DAB1: variants seen among roughly 807,000 people sequenced by gnomAD.
DAB1 encodes DAB adaptor protein 1, also known as disabled homolog 1.
DAB1 carries 15 observed loss-of-function variants against 64.6 expected under a neutral mutation model. The observed-to-expected ratio is 0.23, with a 90% CI of 0.16 to 0.36. DAB1 has a LOEUF of 0.36. Ranked by LOEUF, DAB1 falls within the 10% of genes least tolerant of loss-of-function variation. The pLI is 1.00. For missense variants in DAB1, 596 were observed against 706.7 expected (o/e 0.84, Z 1.78); for synonymous variants, 235 against 251.9 (o/e 0.93, Z 0.64).
At chr1:57,079,848 C>T (rs895854154) in intron 4 of DAB1, among the ~76,000 whole-genome samples, 6 of 152,156 alleles carry the variant, frequency 3.9e-5, no homozygotes, top group Middle Eastern at 3.2e-3. Context: ...ACCAGGTTCC[C>T]ATGACGCAAG....
intron 5 of DAB1, among the ~76,000 whole-genome samples, chr1:58,005,076 T>C (rs1028627494): frequency 3.3e-5 from 5 of 149,536 alleles, no homozygotes; most frequent in Non-Finnish European, 5.9e-5. Flanking sequence ...GTCCCTCTTT[T>C]TATTGATAAC....
In DAB1 at chr1:58,056,580, G is replaced by A. The variant is rs575905398; in HGVS notation, n.387+93931C>T. 3.0e-5 allele frequency: 22 copies of A among 725,102 alleles called. No homozygotes were observed. In the East Asian group the frequency reaches 5.1e-4, roughly 17 times the overall value. The allele number at this position is 725,102 out of a possible 1,614,324, so 44.9% of individuals were successfully genotyped here. A position where few individuals can be genotyped will look rare whatever the true frequency, so the allele number is the denominator to read the frequency against. On this transcript the variant is annotated intron_variant and non_coding_transcript_variant, in intron 5 of 20. Coordinates refer to the DAB1 transcript ENST00000485760. ...AACTCCCCCATTTTCTGGCTCTCAGGCTCTGCCTTCTCATCAATGCCCCAG... is the reference window on the plus strand; with the variant it reads ...AACTCCCCCATTTTCTGGCTCTCAGACTCTGCCTTCTCATCAATGCCCCAG...
At chr1:58,023,443 C>T (rs2100459014) in intron 5 of DAB1, among the ~76,000 whole-genome samples, 1 of 152,188 alleles carries the variant, frequency 6.6e-6, no homozygotes, top group East Asian at 1.9e-4. Flanking sequence ...TCAGAAGAAT[C>T]AGGTTCTCTG....
intron 4 of DAB1, among the ~76,000 whole-genome samples, chr1:57,076,065 C>T (rs1247655113): frequency 6.6e-6 from 1 of 152,096 alleles, no homozygotes; most frequent in East Asian, 1.9e-4. Context: ...ACAGCATGGC[C>T]CTGAAGTTTA....
chr1:57,992,275 G>T (rs1646355368), intron 5 of DAB1, among the ~76,000 whole-genome samples: 2 of 152,294 alleles, frequency 1.3e-5, no homozygotes, highest in African/African-American at 2.4e-5. Context: ...CTTCAAGGGT[G>T]CCAGAAAACC....
intron 1 of DAB1, among the ~76,000 whole-genome samples, chr1:57,406,235 A>G (rs1558324138): frequency 6.6e-6 from 1 of 152,222 alleles, no homozygotes; most frequent in Non-Finnish European, 1.5e-5. Flanking sequence ...AACATACTTA[A>G]TGCATGAAAG....
intron 7 of DAB1, among the ~76,000 whole-genome samples, chr1:57,521,695 CA>C (rs1558457724): frequency 1.3e-5 from 2 of 152,142 alleles, no homozygotes; most frequent in African/African-American, 4.8e-5. Flanking sequence ...AGAAAGTGAA[CA>C]GGGGAGGAGA....
rs113250370 is a variant in DAB1 at position 58,081,294 on chromosome 1, A to G, written n.387+69217T>C. The stretch of plus-strand genomic sequence containing the variant: ...GTCAAGGTAGGATAAATTGTGACGC[A>G]GCAACAAATAGCACCAGAATGCCAG... On this transcript the variant is annotated intron_variant and non_coding_transcript_variant, in intron 5 of 20. Transcript: ENST00000485760. 2.5e-3 allele frequency among the ~76,000 whole-genome samples: 386 copies of G among 152,370 alleles called. 2 individuals are homozygous for G. Among genetic ancestry groups the G allele is most frequent in the African/African-American group, 8.8e-3 (365 of 41,586 alleles).
intron 4 of DAB1, among the ~76,000 whole-genome samples, chr1:57,096,788 G>A (rs1251232360): frequency 1.3e-5 from 2 of 152,072 alleles, no homozygotes; most frequent in Non-Finnish European, 2.9e-5. Flanking sequence ...ATATCCACAT[G>A]CCTAGAGTAC....
intron 4 of DAB1, among the ~76,000 whole-genome samples, chr1:57,095,347 C>T (rs189183138): frequency 1.3e-5 from 2 of 152,262 alleles, no homozygotes; most frequent in Admixed American, 1.3e-4. Context: ...GTAACATGGA[C>T]AGAGGCCCAA....
chr1:57,466,227 C>T (rs1439953130), intron 7 of DAB1, among the ~76,000 whole-genome samples: 1 of 152,292 alleles, frequency 6.6e-6, no homozygotes, highest in African/African-American at 2.4e-5. Flanking sequence ...GACCATTAAA[C>T]TATCTTATAT....
chr1:58,211,972 T>C (rs983391855), intron 4 of DAB1, among the ~76,000 whole-genome samples: 3 of 152,072 alleles, frequency 2.0e-5, no homozygotes, highest in Non-Finnish European at 4.4e-5. Context: ...TTCACAACCT[T>C]ACAAAATAGC....
chr1:57,400,713 C>T (rs58015815), intron 1 of DAB1, among the ~76,000 whole-genome samples: 3,875 of 152,096 alleles, frequency 0.025, 175 homozygotes, highest in African/African-American at 0.089. Flanking sequence ...CACAAATCCA[C>T]TGCATTACCA....
intron 1 of DAB1, among the ~76,000 whole-genome samples, chr1:58,534,823 C>G (rs956781725): frequency 6.6e-6 from 1 of 152,116 alleles, no homozygotes; most frequent in East Asian, 1.9e-4. Flanking sequence ...GTGTTCCCAG[C>G]TACATGGGAG....
intron 1 of DAB1, chr1:58,536,861 C>T (rs1045676110): frequency 4.8e-6 from 3 of 629,894 alleles, no homozygotes; most frequent in Middle Eastern, 5.6e-4. Context: ...ATGTATTTCG[C>T]TGAATACATC....
At chr1:58,004,765 T>G (rs1408479364) in intron 5 of DAB1, among the ~76,000 whole-genome samples, 1 of 152,042 alleles carries the variant, frequency 6.6e-6, no homozygotes, top group Admixed American at 6.6e-5. Context: ...TTGCATGACG[T>G]GTTTGTGAGG....
At chr1:57,258,989 T>C (rs1669975330) in intron 2 of DAB1, among the ~76,000 whole-genome samples, 1 of 152,156 alleles carries the variant, frequency 6.6e-6, no homozygotes. Context: ...AATTCTCTAC[T>C]TTCATGCCTG....
chr1:57,164,778 G>T (rs1167642759), intron 2 of DAB1, among the ~76,000 whole-genome samples: 1 of 152,040 alleles, frequency 6.6e-6, no homozygotes, highest in African/African-American at 2.4e-5. Context: ...GGTCATCTTT[G>T]CAGAGGCTCT....
chr1:58,410,942 G>A (rs1489106922), intron 3 of DAB1, among the ~76,000 whole-genome samples: 3 of 152,154 alleles, frequency 2.0e-5, no homozygotes, highest in Admixed American at 6.5e-5. Context: ...AAGTGTGACT[G>A]GGTCTCTTTA....
Sources: allele counts gnomAD v4.1 joint callset (sites outside exome capture counted in the v4.1 genomes callset), GRCh38; gene constraint gnomAD v4.1.1; transcripts MANE v1.5; gene names NCBI Gene and HGNC (gene_info 2026-07-23, HGNC 2026-07-21).